SNX29: variants seen among roughly 807,000 people sequenced by gnomAD.
The protein encoded by SNX29 is sorting nexin 29.
SNX29 carries 78 observed loss-of-function variants against 102.1 expected under a neutral mutation model. The ratio of observed to expected loss-of-function variants is 0.76; its 90% CI spans 0.64 to 0.92. SNX29 has a LOEUF of 0.92. Ranked by LOEUF, SNX29 falls within the 40% of genes least tolerant of loss-of-function variation. The probability of loss-of-function intolerance (pLI) is 0.00; values close to 1 mark genes in which losing one functional copy is unlikely to be tolerated. For missense variants in SNX29, 1,280 were observed against 1,061.7 expected (o/e 1.21, Z -2.86); for synonymous variants, 580 against 414.5 (o/e 1.40, Z -4.85).
At chr16:12,207,230 G>A (rs1194421524) in intron 14 of SNX29, among the ~76,000 whole-genome samples, 4 of 152,110 alleles carry the variant, frequency 2.6e-5, no homozygotes, top group African/African-American at 9.7e-5. Flanking sequence ...TTAGCTAGGT[G>A]TGGTGGCAGG....
In SNX29 at chr16:12,277,939, A is replaced by G. The variant is rs745918875; in HGVS notation, c.1685A>G (p.Asn562Ser). 1.9e-6 allele frequency: 3 copies of G among 1,606,516 alleles called. No homozygotes were observed. The highest frequency in any genetic ancestry group is 1.1e-5 in the South Asian group (1 of 89,112). The change falls in exon 15 of 21, where the codon AAT becomes AGT. Residue 562 changes from asparagine to serine, a missense_variant. Coordinates refer to ENST00000566228, the MANE Select transcript of SNX29 (RefSeq NM_032167.5). ...TGTCTCTCTTTCTCTAAAGTGCCAA[A>G]TCTTTGGAGTGTTGATGGAGAAGTT... ...KREGQTAEVPNLWSVDGEVTV... is the reference protein window; with the variant it reads ...KREGQTAEVPSLWSVDGEVTV...
At chr16:12,565,695 G>C (rs1267255228) in intron 20 of SNX29, among the ~76,000 whole-genome samples, 2 of 151,780 alleles carry the variant, frequency 1.3e-5, no homozygotes, top group South Asian at 2.1e-4. Flanking sequence ...CTTCCAGGAA[G>C]GGGAAGCAGC....
intron 3 of SNX29, among the ~76,000 whole-genome samples, chr16:12,007,255 A>C (rs7206768): frequency 6.6e-6 from 1 of 152,042 alleles, no homozygotes; most frequent in Non-Finnish European, 1.5e-5. Context: ...CTATAATCCC[A>C]GCCTTTTGGG....
intron 14 of SNX29, among the ~76,000 whole-genome samples, chr16:12,206,682 G>T (rs111779008): frequency 6.6e-6 from 1 of 151,990 alleles, no homozygotes; most frequent in African/African-American, 2.4e-5. Flanking sequence ...TCACTGTCCC[G>T]TCTTTCCATC....
chr16:12,067,444 G>A (rs762228289), intron 9 of SNX29, among the ~76,000 whole-genome samples: 13 of 152,114 alleles, frequency 8.5e-5, no homozygotes, highest in Non-Finnish European at 1.6e-4. Context: ...CCTTGTCCCC[G>A]ATGCACGGCT....
At chr16:12,027,278 C>G in intron 3 of SNX29, 42 bp from the exon 4 acceptor site, 1 of 1,609,784 alleles carries the variant, frequency 6.2e-7, no homozygotes, top group African/African-American at 1.3e-5. Flanking sequence ...AGTTGCTACT[C>G]CCTTTTCTGG....
At chr16:12,173,199 G>A (rs1458789248) in intron 13 of SNX29, among the ~76,000 whole-genome samples, 1 of 152,234 alleles carries the variant, frequency 6.6e-6, no homozygotes, top group East Asian at 1.9e-4. Flanking sequence ...ATTGCAGCCA[G>A]TTTCAGTAGC....
intron 19 of SNX29, among the ~76,000 whole-genome samples, chr16:12,508,897 TC>T (rs2089491281): frequency 6.6e-6 from 1 of 151,638 alleles, no homozygotes; most frequent in African/African-American, 2.4e-5. Flanking sequence ...GGCCCTGGAG[TC>T]CCTACACTGT....
rs974586766 is a variant in SNX29, at chr16:12,571,502, C to G, written c.*2873C>G. 28 of 488,076 alleles carry G rather than the reference C, an allele frequency of 5.7e-5. No individual in the cohort carries two copies. The highest frequency in any genetic ancestry group is 4.8e-4 in the African/African-American group (24 of 49,936). The allele number at this position is 488,076 out of a possible 1,614,324, so 30.2% of individuals were successfully genotyped here. ...CTCAGAGAGGAACGAGGGTGGCCCA[C>G]CTCTCAAGGGCCTTGGATTCCTGGG... On this transcript the variant is annotated 3_prime_UTR_variant, in exon 21 of 21. Coordinates refer to ENST00000566228, the MANE Select transcript of SNX29 (RefSeq NM_032167.5).
intron 8 of SNX29, among the ~76,000 whole-genome samples, chr16:12,054,861 T>C (rs1343338779): frequency 6.6e-6 from 1 of 152,250 alleles, no homozygotes; most frequent in African/African-American, 2.4e-5. Flanking sequence ...TTGTGAAATG[T>C]TTCCCCTTTT....
intron 13 of SNX29, among the ~76,000 whole-genome samples, chr16:12,144,285 A>G (rs2054971181): frequency 6.6e-6 from 1 of 152,166 alleles, no homozygotes; most frequent in Non-Finnish European, 1.5e-5. Flanking sequence ...GAATAGTATG[A>G]CCCACTGCAA....
intron 18 of SNX29, chr16:12,443,203 C>T (rs1049163544): frequency 2.9e-6 from 1 of 349,102 alleles, no homozygotes; most frequent in African/African-American, 2.2e-5. Context: ...TCAGTAGATC[C>T]TGCTGGGGAC....
intron 20 of SNX29, among the ~76,000 whole-genome samples, chr16:12,561,831 C>A (rs1415482836): frequency 6.6e-6 from 1 of 152,164 alleles, no homozygotes; most frequent in Non-Finnish European, 1.5e-5. Context: ...CATCCTTCTC[C>A]CTGCAGGGGA....
chr16:12,555,713 G>C (rs751473509), intron 20 of SNX29, among the ~76,000 whole-genome samples: 12 of 152,068 alleles, frequency 7.9e-5, no homozygotes, highest in Non-Finnish European at 1.0e-4. Flanking sequence ...GATTCTCCCT[G>C]ATTGGCCCTT....
At chr16:12,088,195 G>C (rs1239765642) in intron 11 of SNX29, 1 of 446,668 alleles carries the variant, frequency 2.2e-6, no homozygotes, top group Non-Finnish European at 4.5e-6. Context: ...GCTAGAGAGA[G>C]ACAGGAGAGG....
chr16:12,528,977 C>T (rs1035862126), intron 20 of SNX29, among the ~76,000 whole-genome samples: 5 of 152,240 alleles, frequency 3.3e-5, no homozygotes, highest in African/African-American at 1.2e-4. Flanking sequence ...TGCTTTCACA[C>T]ACACTCTTCC....
chr16:12,500,087 G>A (rs866789326), intron 19 of SNX29, among the ~76,000 whole-genome samples: 11 of 152,180 alleles, frequency 7.2e-5, no homozygotes, highest in Non-Finnish European at 1.5e-4. Flanking sequence ...AAACTCCTGG[G>A]CTTAAGGGAT....
At chr16:12,365,005 T>C (rs777606042) in intron 16 of SNX29, among the ~76,000 whole-genome samples, 13 of 152,164 alleles carry the variant, frequency 8.5e-5, no homozygotes, top group Non-Finnish European at 1.9e-4. Context: ...CTTATAATTT[T>C]CTTATTAGGC....
chr16:12,089,316 G>T (rs147504911), intron 11 of SNX29, among the ~76,000 whole-genome samples: 28 of 152,030 alleles, frequency 1.8e-4, no homozygotes, highest in African/African-American at 6.3e-4. Flanking sequence ...GGGTGACAGA[G>T]CAAGACCGTC....
Sources: gnomAD v4.1 joint callset for allele counts (sites outside exome capture counted in the v4.1 genomes callset) on GRCh38, gnomAD v4.1.1 for gene constraint, MANE v1.5 for transcripts, NCBI Gene and HGNC (gene_info 2026-07-23, HGNC 2026-07-21) for gene names.